Variants in FRMPD3 observed in about 807,000 individuals in gnomAD.
FRMPD3 encodes the protein FERM and PDZ domain-containing protein 3.
A neutral mutation model predicts 97.9 loss-of-function variants in FRMPD3; 42 were observed. That is an observed-to-expected ratio of 0.43 (90% CI 0.34 to 0.55). The LOEUF is 0.55. FRMPD3 is among the 20% of genes least tolerant of loss of function. FRMPD3 has a pLI of 0.03. For synonymous variants in FRMPD3, 577 were observed against 581.1 expected (o/e 0.99, Z 0.10); for missense variants, 1,303 against 1,457.7 (o/e 0.89, Z 1.73).
At chrX:107,455,191 C>T (rs1314748383) in intron 1 of FRMPD3, among the ~76,000 whole-genome samples, 1 of 111,569 alleles carries the variant, frequency 9.0e-6, no homozygotes, top group African/African-American at 3.3e-5. Flanking sequence ...AATTCACCTC[C>T]TCTGTGAAAT....
chrX:107,458,452 T>C (rs186297333), intron 1 of FRMPD3, among the ~76,000 whole-genome samples: 31 of 112,025 alleles, frequency 2.8e-4, no homozygotes, highest in African/African-American at 9.4e-4. Flanking sequence ...CCAGAAGAAG[T>C]TGAACCTGCG....
At chrX:107,554,347 G>A (rs1432517214) in intron 7 of FRMPD3, 38 bp from the exon 8 acceptor site, 1 of 1,189,956 alleles carries the variant, frequency 8.4e-7, no homozygotes. Context: ...ATTGATTCCA[G>A]ATCTCTTTTC....
intron 1 of FRMPD3, among the ~76,000 whole-genome samples, chrX:107,488,989 C>G (rs1304067946): frequency 1.4e-5 from 1 of 71,656 alleles, no homozygotes; most frequent in Non-Finnish European, 2.6e-5. Flanking sequence ...TCCCCCCTCC[C>G]CCCACCCCAC....
rs184781482 is a variant in FRMPD3 at position 107,584,565 on chromosome X, T to A, written c.1441+8106T>A. ...TTGCCTAGGTTTTCTTCTAGAGTTT[T>A]TATGATTTGGGGTTTTACATTTAAG... On this transcript the variant is annotated intron_variant, in intron 13 of 14. Coordinates refer to ENST00000683843, the MANE Select transcript of FRMPD3 (RefSeq NM_001388459.1). 3.3e-4 allele frequency among the ~76,000 whole-genome samples: 37 copies of A among 112,470 alleles called. No homozygotes were observed. The South Asian group carries it at 5.5e-3, about 17-fold the overall frequency.
rs763995666 is a variant in FRMPD3 at position 107,602,096 on chromosome X, C to T, written c.4057C>T (p.Arg1353Cys). 28 of 1,206,311 alleles carry T rather than the reference C, an allele frequency of 2.3e-5. No homozygotes were observed. Among genetic ancestry groups the T allele is most frequent in the African/African-American group, 1.0e-4 (6 of 57,339 alleles). ...LSSPINVQRI[R>C]STSLESRECR... is the part of the protein sequence containing the mutation. ...CAGCCCCATCAATGTCCAGCGCATT[C>T]GTTCTACCAGCCTGGAGTCCCGAGA... is the stretch of plus-strand genomic sequence containing the variant. The change falls in exon 15 of 15, where the codon CGT becomes TGT. Residue 1353 changes from arginine (R) to cysteine (C), a missense_variant. Arg to Cys is a radical substitution (Grantham distance 180). Coordinates refer to ENST00000683843, the MANE Select transcript of FRMPD3 (RefSeq NM_001388459.1).
At chrX:107,467,023 TGAGAGAGA>T (rs1556151770) in intron 1 of FRMPD3, among the ~76,000 whole-genome samples, 1 of 98,318 alleles carries the variant, frequency 1.0e-5, no homozygotes. Context: ...TGTGTGTGTG[TGAGAGAGA>T]GAGAGAGAGA....
At chrX:107,578,593 G>A (rs777571179) in intron 13 of FRMPD3, among the ~76,000 whole-genome samples, 1 of 111,671 alleles carries the variant, frequency 9.0e-6, no homozygotes, top group African/African-American at 3.2e-5. Context: ...GGAGCCAGAT[G>A]GACCACTGTG....
chrX:107,481,681 A>G (rs1220178509), intron 1 of FRMPD3, among the ~76,000 whole-genome samples: 1 of 112,004 alleles, frequency 8.9e-6, no homozygotes, highest in African/African-American at 3.2e-5. Flanking sequence ...GCTGGTCAGA[A>G]TGAATCCTTG....
rs752223536 is a variant in FRMPD3, at chrX:107,604,162, C to T, written c.*789C>T. 32 of 107,202 alleles carry T rather than the reference C, an allele frequency of 3.0e-4. No individual in the cohort carries two copies. Among genetic ancestry groups the T allele is most frequent in the Admixed American group, 1.9e-3 (19 of 10,113 alleles). The allele number at this position is 107,202 out of a possible 1,213,427, so 8.8% of individuals were successfully genotyped here. A position where few individuals can be genotyped will look rare whatever the true frequency, so the allele number is the denominator to read the frequency against. On this transcript the variant is annotated 3_prime_UTR_variant, in exon 15 of 15. Transcript: ENST00000683843. ...GAGACCCAGTGCAGGCCTAGGAGCC[C>T]GCCTAGCCCGGCCCAGCCCAGCTCA... is the stretch of plus-strand genomic sequence containing the variant.
chrX:107,484,721 TG>T (rs1448548235), intron 1 of FRMPD3, among the ~76,000 whole-genome samples: 1 of 112,175 alleles, frequency 8.9e-6, no homozygotes, highest in Non-Finnish European at 1.9e-5. Flanking sequence ...TGCCTATCCA[TG>T]GATCGCCAAA....
intron 1 of FRMPD3, among the ~76,000 whole-genome samples, chrX:107,453,148 G>A (rs746064981): frequency 2.7e-5 from 3 of 111,489 alleles, no homozygotes; most frequent in Non-Finnish European, 5.7e-5. Context: ...CCCTGTTTTT[G>A]TGGCACCTCC....
At chrX:107,484,876 G>A (rs1415997170) in intron 1 of FRMPD3, among the ~76,000 whole-genome samples, 2 of 112,248 alleles carry the variant, frequency 1.8e-5, no homozygotes, top group African/African-American at 6.5e-5. Context: ...GAAGCTGCTC[G>A]TTTTCCCCGT....
intron 5 of FRMPD3, among the ~76,000 whole-genome samples, chrX:107,548,098 C>G (rs887345783): frequency 1.8e-5 from 2 of 112,060 alleles, no homozygotes; most frequent in Non-Finnish European, 3.8e-5. Flanking sequence ...CATGCTTTGT[C>G]CATGATCCAT....
chrX:107,593,870 G>A (rs1330160521), intron 13 of FRMPD3, among the ~76,000 whole-genome samples: 1 of 110,382 alleles, frequency 9.1e-6, no homozygotes, highest in African/African-American at 3.4e-5. Flanking sequence ...CTCTTTTTTG[G>A]TTCCATATAA....
At chrX:107,594,037 C>T (rs1359586108) in intron 13 of FRMPD3, among the ~76,000 whole-genome samples, 1 of 111,985 alleles carries the variant, frequency 8.9e-6, no homozygotes, top group Non-Finnish European at 1.9e-5. Context: ...TTGTTTGTGT[C>T]ATCTGTGATT....
At chrX:107,592,768 T>C (rs995392723) in intron 13 of FRMPD3, among the ~76,000 whole-genome samples, 1 of 107,461 alleles carries the variant, frequency 9.3e-6, no homozygotes, top group Admixed American at 9.9e-5. Context: ...ACATATTTTT[T>C]TTTTATTTTT....
At chrX:107,520,731 T>A (rs1331994678) in intron 1 of FRMPD3, among the ~76,000 whole-genome samples, 2 of 112,218 alleles carry the variant, frequency 1.8e-5, no homozygotes, top group Non-Finnish European at 3.8e-5. Context: ...TGATTGGCCC[T>A]GGAGTTAGGC....
chrX:107,524,448 G>T lies in FRMPD3; in HGVS notation c.-7-2134G>T, dbSNP rs967773109. ...ATCCTAGCATCCCCTTCCACCTCCC[G>T]AAGGGGTGACAGACAGACTCCAAGC... On this transcript the variant is annotated intron_variant, in intron 1 of 14. Coordinates refer to ENST00000683843, the MANE Select transcript of FRMPD3 (RefSeq NM_001388459.1). Among the ~76,000 whole-genome samples the T allele has an allele frequency of 1.9e-4, 21 of 112,369 alleles. 1 individual carries two copies. Among genetic ancestry groups the T allele is most frequent in the Non-Finnish European group, 1.9e-5 (1 of 53,240 alleles).
intron 1 of FRMPD3, among the ~76,000 whole-genome samples, chrX:107,507,021 C>T (rs961866303): frequency 7.2e-5 from 8 of 110,620 alleles, no homozygotes; most frequent in Non-Finnish European, 1.3e-4. Context: ...GTAAGTACTG[C>T]GCTCTGAGCA....
Sources: gnomAD v4.1 joint callset for allele counts (sites outside exome capture counted in the v4.1 genomes callset) on GRCh38, gnomAD v4.1.1 for gene constraint, MANE v1.5 for transcripts, NCBI Gene and HGNC (gene_info 2026-07-23, HGNC 2026-07-21) for gene names.